RMDN1: variants seen among roughly 807,000 people sequenced by gnomAD.
RMDN1 encodes the protein regulator of microtubule dynamics protein 1.
In RMDN1, 48 loss-of-function variants were observed where a neutral mutation model predicts 48.9. The observed-to-expected ratio is 0.98, with a 90% CI of 0.78 to 1.25. The LOEUF is 1.25. Ranked by LOEUF, RMDN1 falls within the 50% of genes most tolerant of loss-of-function variation. The probability of loss-of-function intolerance (pLI) is 0.00; values close to 1 mark genes in which losing one functional copy is unlikely to be tolerated. For synonymous variants in RMDN1, 148 were observed against 132.6 expected, an observed-to-expected ratio of 1.12 and a Z score of -0.80; for missense variants, 418 against 373.4, an observed-to-expected ratio of 1.12 and a Z score of -0.98.
chr8:86,496,137 A>G (rs1053902951), intron 2 of RMDN1, among the ~76,000 whole-genome samples: 2 of 152,248 alleles, frequency 1.3e-5, no homozygotes, highest in African/African-American at 2.4e-5. Flanking sequence ...CTGCCTTACA[A>G]GAGGTCCTTA....
At chr8:86,495,602 C>A (rs567752181) in intron 2 of RMDN1, among the ~76,000 whole-genome samples, 1 of 152,190 alleles carries the variant, frequency 6.6e-6, no homozygotes, top group East Asian at 1.9e-4. Context: ...TGTCTGCCAG[C>A]CTCTCCCAGG....
chr8:86,494,083 A>T (rs547560669), intron 2 of RMDN1, among the ~76,000 whole-genome samples: 25 of 152,290 alleles, frequency 1.6e-4, no homozygotes, highest in African/African-American at 6.0e-4. Flanking sequence ...ATGTTGGTCA[A>T]ATGGTACCAA....
rs899874912 is a variant in RMDN1, at chr8:86,473,345, G to C, written c.*963C>G. On this transcript the variant is annotated 3_prime_UTR_variant, in exon 10 of 10. Coordinates refer to ENST00000406452, the MANE Select transcript of RMDN1 (RefSeq NM_016033.3). ...ACTCCAGCCTCAAGTGAGTAGCATAGTCCTGCCTATTTAAAAACATCTTAG... is the reference window on the plus strand; with the variant it reads ...ACTCCAGCCTCAAGTGAGTAGCATACTCCTGCCTATTTAAAAACATCTTAG... 1.0e-6 allele frequency: 1 copy of C among 985,298 alleles called. No homozygotes were observed. Among genetic ancestry groups the C allele is most frequent in the Non-Finnish European group, 1.2e-6 (1 of 829,928 alleles). The allele number at this position is 985,298 out of a possible 1,614,324, so 61.0% of individuals were successfully genotyped here. A position where few individuals can be genotyped will look rare whatever the true frequency, so the allele number is the denominator to read the frequency against.
chr8:86,482,773 A>G (rs1187717526), intron 5 of RMDN1: 9 of 916,386 alleles, frequency 9.8e-6, no homozygotes, highest in African/African-American at 1.6e-5. Flanking sequence ...CAGGACCCCA[A>G]TGTGACAAGT....
At chr8:86,506,350 T>C (rs1017716486) in intron 2 of RMDN1, among the ~76,000 whole-genome samples, 6 of 152,242 alleles carry the variant, frequency 3.9e-5, no homozygotes, top group Admixed American at 1.3e-4. Flanking sequence ...GAACGATTAT[T>C]ATCTAAAGGT....
intron 5 of RMDN1, among the ~76,000 whole-genome samples, chr8:86,484,428 A>T (rs748720392): frequency 5.3e-5 from 8 of 151,696 alleles, no homozygotes; most frequent in Non-Finnish European, 1.0e-4. Context: ...AAGAAATAAC[A>T]AACTGTCGGC....
chr8:86,505,152 G>T, intron 2 of RMDN1: 1 of 1,174,950 alleles, frequency 8.5e-7, no homozygotes, highest in Non-Finnish European at 1.1e-6. Flanking sequence ...ACCCAGGACT[G>T]CTTCTGAATG....
At chr8:86,505,990 T>G (rs1374952663) in intron 2 of RMDN1, among the ~76,000 whole-genome samples, 1 of 152,242 alleles carries the variant, frequency 6.6e-6, no homozygotes, top group Non-Finnish European at 1.5e-5. Flanking sequence ...TTAACTAATA[T>G]GGGCATTGTA....
At position 86,474,235 on chromosome 8, in the gene RMDN1, C is replaced by A; in HGVS notation, c.*73G>T. On this transcript the variant is annotated 3_prime_UTR_variant, in exon 10 of 10. Transcript: ENST00000406452. Reference sequence around the variant, plus strand: ...AAAAAGCCGTAGAACAGTTATAGTTCATATATTAAGTTTAGAATTAAAAGA... The same window carrying A: ...AAAAAGCCGTAGAACAGTTATAGTTAATATATTAAGTTTAGAATTAAAAGA... The A allele has an allele frequency of 6.3e-7, 1 of 1,598,746 alleles. No homozygotes were observed. The highest frequency in any genetic ancestry group is 1.1e-5 in the South Asian group (1 of 88,260).
At chr8:86,471,853 C>T (rs149752736), downstream of RMDN1, among the ~76,000 whole-genome samples, 1,079 of 152,238 alleles carry the variant, frequency 7.1e-3, 9 homozygotes, top group South Asian at 0.011. Flanking sequence ...CTATGACAAC[C>T]GGACTGGCCT....
chr8:86,504,097 C>G, intron 2 of RMDN1: 1 of 1,042,696 alleles, frequency 9.6e-7, no homozygotes. Context: ...GATCTTTGGT[C>G]TGGAATTCAA....
In RMDN1 at chr8:86,485,099, T is replaced by C. The variant is rs1021946613; in HGVS notation, c.496-138A>G. ...AGCATAAAAACTGTATTAAATGTAATGGAATATATAAAGAGAAGTGGACAT... is the reference window on the plus strand; with the variant it reads ...AGCATAAAAACTGTATTAAATGTAACGGAATATATAAAGAGAAGTGGACAT... On this transcript the variant is annotated intron_variant, in intron 4 of 9. Coordinates refer to ENST00000406452, the MANE Select transcript of RMDN1 (RefSeq NM_016033.3). The C allele has an allele frequency of 5.6e-6, 3 of 532,726 alleles. No individual in the cohort carries two copies. In the Admixed American group the frequency reaches 1.1e-4, roughly 19 times the overall value. The allele number at this position is 532,726 out of a possible 1,614,324, so 33.0% of individuals were successfully genotyped here.
intron 2 of RMDN1, chr8:86,504,290 C>T (rs759840636): frequency 6.3e-7 from 1 of 1,575,856 alleles, no homozygotes; most frequent in Non-Finnish European, 8.7e-7. Context: ...CAGGATGTAT[C>T]CCAAGACAAC....
chr8:86,509,937 C>T (rs1452738708), upstream of RMDN1, among the ~76,000 whole-genome samples: 1 of 152,084 alleles, frequency 6.6e-6, no homozygotes, highest in Non-Finnish European at 1.5e-5. Flanking sequence ...GCAGCTACCC[C>T]CTCAACATTG....
Position 86,508,534 on chromosome 8 carries a change from G to T in RMDN1, c.87C>A (p.Gly29=). ...PGSRLPAGTS[G]SRGHCGPCRF... is the part of the protein sequence containing the mutation. ...GACAGGGGCCGCAATGCCCGCGGCT[G>T]CCCGAAGTCCCCGCAGGGAGACGAG... is the stretch of plus-strand genomic sequence containing the variant. Residue 29 remains glycine (G), a synonymous_variant, in exon 1 of 10, where the codon GGC becomes GGA. Transcript: ENST00000406452. 1 of 1,576,706 alleles carries T rather than the reference G, an allele frequency of 6.3e-7. No individual in the cohort carries two copies. Among genetic ancestry groups the T allele is most frequent in the Non-Finnish European group, 8.6e-7 (1 of 1,163,818 alleles).
intron 2 of RMDN1, among the ~76,000 whole-genome samples, chr8:86,499,413 T>C (rs954332723): frequency 6.6e-6 from 1 of 152,096 alleles, no homozygotes; most frequent in African/African-American, 2.4e-5. Context: ...TACATTTCTA[T>C]ACACCAATAA....
intron 7 of RMDN1, 62 bp from the exon 8 acceptor site, chr8:86,477,386 A>C: frequency 7.4e-7 from 1 of 1,344,964 alleles, no homozygotes; most frequent in Non-Finnish European, 1.0e-6. Context: ...ATATTAAAAA[A>C]GCATTGTCTC....
chr8:86,476,501 T>G (rs1002646545), intron 8 of RMDN1, among the ~76,000 whole-genome samples: 1 of 152,200 alleles, frequency 6.6e-6, no homozygotes, highest in Admixed American at 6.5e-5. Flanking sequence ...TATCATATGC[T>G]TATGTCTCTT....
rs766581442 is a variant in RMDN1 at position 86,472,945 on chromosome 8, T to C, written c.*1363A>G. 1 of 168,014 alleles carries C rather than the reference T, an allele frequency of 6.0e-6. No homozygotes were observed. Among genetic ancestry groups the C allele is most frequent in the Non-Finnish European group, 1.2e-5 (1 of 82,312 alleles). The allele number at this position is 168,014 out of a possible 1,614,324, so 10.4% of individuals were successfully genotyped here. On this transcript the variant is annotated 3_prime_UTR_variant, in exon 10 of 10. Coordinates refer to ENST00000406452, the MANE Select transcript of RMDN1 (RefSeq NM_016033.3). Reference sequence around the variant, plus strand: ...TCAAGCTATGTGCATAAGGTATATATGAAACAAGTGAATTTGTGTTTAAAC... The same window carrying C: ...TCAAGCTATGTGCATAAGGTATATACGAAACAAGTGAATTTGTGTTTAAAC...
Sources: allele counts gnomAD v4.1 joint callset (sites outside exome capture counted in the v4.1 genomes callset), GRCh38; gene constraint gnomAD v4.1.1; transcripts MANE v1.5; gene names NCBI Gene and HGNC (gene_info 2026-07-23, HGNC 2026-07-21).